CCDC171: variants seen among roughly 807,000 people sequenced by gnomAD.
CCDC171 encodes coiled-coil domain-containing protein 171.
A neutral mutation model predicts 168.2 loss-of-function variants in CCDC171; 177 were observed. The ratio of observed to expected loss-of-function variants is 1.05; its 90% CI spans 0.93 to 1.19. The LOEUF (loss-of-function observed/expected upper bound fraction) is 1.19, where lower values mean the gene tolerates loss of function less well. Among genes scored for constraint, CCDC171 ranks in the 50% most tolerant of loss-of-function variants. The pLI is 0.00. For synonymous variants in CCDC171, 687 were observed against 540.8 expected (o/e 1.27, Z -3.75); for missense variants, 1,991 against 1,539.0 (o/e 1.29, Z -4.91).
chr9:16,034,137 G>A (rs1420152359), intron 6 of CCDC171, among the ~76,000 whole-genome samples: 2 of 152,198 alleles, frequency 1.3e-5, no homozygotes, highest in African/African-American at 4.8e-5. Context: ...GAATTACCTG[G>A]GGGAAGGAAG....
chr9:15,840,038 A>G (rs2130596351), intron 21 of CCDC171, among the ~76,000 whole-genome samples: 2 of 152,272 alleles, frequency 1.3e-5, no homozygotes, highest in East Asian at 3.9e-4. Flanking sequence ...AAAAGTAGTT[A>G]ATATATAACA....
intron 18 of CCDC171, among the ~76,000 whole-genome samples, chr9:15,747,040 G>C (rs1000687070): frequency 6.6e-6 from 1 of 152,220 alleles, no homozygotes; most frequent in Non-Finnish European, 1.5e-5. Context: ...GCAGCAGTCT[G>C]AGAATGACCT....
chr9:15,625,809 T>G (rs1429384845), intron 7 of CCDC171, among the ~76,000 whole-genome samples: 1 of 152,232 alleles, frequency 6.6e-6, no homozygotes, highest in African/African-American at 2.4e-5. Context: ...GGCTCTTTTT[T>G]GGTTTCATAT....
chr9:15,644,322 A>C (rs1476490940), intron 7 of CCDC171, among the ~76,000 whole-genome samples: 2 of 152,208 alleles, frequency 1.3e-5, no homozygotes. Context: ...TGAGTGATGC[A>C]GAAGATGGGT....
downstream of CCDC171, among the ~76,000 whole-genome samples, chr9:16,064,975 C>T (rs1225899446): frequency 1.3e-5 from 2 of 152,170 alleles, no homozygotes; most frequent in African/African-American, 4.8e-5. Context: ...CACAAATCAT[C>T]CTGAGGCATC....
chr9:15,625,498 G>T (rs940055428), intron 7 of CCDC171, among the ~76,000 whole-genome samples: 1 of 152,132 alleles, frequency 6.6e-6, no homozygotes, highest in Admixed American at 6.6e-5. Flanking sequence ...TTTGTATAAG[G>T]TGTAAGGAAG....
chr9:15,971,609 A>G lies in CCDC171; in HGVS notation c.3754A>G (p.Ile1252Val). 6.2e-7 allele frequency: 1 copy of G among 1,609,242 alleles called. No homozygotes were observed. The highest frequency in any genetic ancestry group is 1.1e-5 in the South Asian group (1 of 91,006). Residue 1252 changes from isoleucine (I) to valine (V), a missense_variant and splice_region_variant, in exon 26 of 26, where the codon ATA becomes GTA. Coordinates refer to ENST00000380701, the MANE Select transcript of CCDC171 (RefSeq NM_173550.4). ...CLRENASLQS[I>V]GSRDHSNLSI... ...TATTTTTTTCTTTTGTATGTCACAG[A>G]TAGGATCACGAGACCATTCAAATCT...
Position 15,745,545 on chromosome 9 carries a change from A to C in CCDC171, c.2585A>C (p.Gln862Pro). The C allele has an allele frequency of 6.3e-7, 1 of 1,588,932 alleles. No individual in the cohort carries two copies. The highest frequency in any genetic ancestry group is 8.5e-7 in the Non-Finnish European group (1 of 1,170,510). ...KHQKEQLRCL[Q>P]ALSWLTSSDL... ...CAAAAGGAGCAGTTGCGTTGTTTACAAGCGCTCAGTTGGCTCACCAGTTCT... is the reference window on the plus strand; with the variant it reads ...CAAAAGGAGCAGTTGCGTTGTTTACCAGCGCTCAGTTGGCTCACCAGTTCT... Residue 862 changes from glutamine to proline, a missense_variant, in exon 18 of 26, where the codon CAA (glutamine) becomes CCA (proline). Gln to Pro is a moderately conservative substitution (Grantham distance 76). Transcript: ENST00000380701.
chr9:15,608,122 T>C (rs1215093681), intron 6 of CCDC171, among the ~76,000 whole-genome samples: 1 of 152,114 alleles, frequency 6.6e-6, no homozygotes, highest in African/African-American at 2.4e-5. Context: ...CCAGTTCTAC[T>C]GCCATGATAA....
intron 16 of CCDC171, among the ~76,000 whole-genome samples, chr9:15,736,642 G>A (rs2054512773): frequency 6.7e-6 from 1 of 148,704 alleles, no homozygotes; most frequent in African/African-American, 2.5e-5. Flanking sequence ...GTGAGCCACG[G>A]TGCCCGGCTC....
chr9:15,948,113 A>T (rs1449409433), intron 25 of CCDC171, among the ~76,000 whole-genome samples: 1 of 151,506 alleles, frequency 6.6e-6, no homozygotes, highest in East Asian at 2.0e-4. Flanking sequence ...ACTGAGAATG[A>T]TGATTTCTAA....
chr9:16,090,228 T>G, the CCDC171 span, among the ~76,000 whole-genome samples: 3 of 152,170 alleles, frequency 2.0e-5, no homozygotes, highest in African/African-American at 7.2e-5. Context: ...CACCATGGAA[T>G]ATGAAGCAGC....
intron 21 of CCDC171, among the ~76,000 whole-genome samples, chr9:15,833,192 A>G (rs1034782682): frequency 6.6e-6 from 1 of 151,992 alleles, no homozygotes; most frequent in Non-Finnish European, 1.5e-5. Context: ...GCGTTTTGCC[A>G]TGTTGGCCAG....
At chr9:15,788,033 C>T (rs1022916026) in intron 21 of CCDC171, among the ~76,000 whole-genome samples, 1 of 152,100 alleles carries the variant, frequency 6.6e-6, no homozygotes, top group African/African-American at 2.4e-5. Context: ...AAGAGCTGTT[C>T]ATGTTAATTT....
At chr9:16,010,792 A>T (rs1476581237) in intron 3 of CCDC171, among the ~76,000 whole-genome samples, 5 of 152,038 alleles carry the variant, frequency 3.3e-5, no homozygotes, top group Non-Finnish European at 7.4e-5. Flanking sequence ...ATGCTGAAAA[A>T]AGACCAGTTT....
chr9:15,801,312 T>C (rs2058810407), intron 21 of CCDC171, among the ~76,000 whole-genome samples: 1 of 152,092 alleles, frequency 6.6e-6, no homozygotes, highest in Non-Finnish European at 1.5e-5. Context: ...ATAGTTTTCA[T>C]TGTAGAGATC....
rs532929667 is a variant in CCDC171 at position 15,703,206 on chromosome 9, G to A, written c.1318+7869G>A. On this transcript the variant is annotated intron_variant, in intron 11 of 25. Coordinates refer to ENST00000380701, the MANE Select transcript of CCDC171 (RefSeq NM_173550.4). ...CAGGCCTGAGCCACCACGCCCGGCC[G>A]GGCCTTGTTTTTAATTAGGCTTTGG... is the stretch of plus-strand genomic sequence containing the variant. Among the ~76,000 whole-genome samples the A allele has an allele frequency of 7.2e-5, 11 of 152,140 alleles. No homozygotes were observed. In the South Asian group the frequency reaches 1.9e-3, roughly 26 times the overall value.
chr9:15,751,776 TTAAATG>T (rs1205237785), intron 18 of CCDC171, among the ~76,000 whole-genome samples: 1 of 152,134 alleles, frequency 6.6e-6, no homozygotes, highest in Non-Finnish European at 1.5e-5. Context: ...GACTAAAGAC[TTAAATG>T]TAAGACCTAA....
chr9:15,992,801 C>T (rs1360667455), intron 3 of CCDC171, among the ~76,000 whole-genome samples: 6 of 152,062 alleles, frequency 3.9e-5, no homozygotes, highest in South Asian at 2.1e-4. Flanking sequence ...ACACCAATAA[C>T]GGACAAACAG....
Sources: gnomAD v4.1 joint callset for allele counts (sites outside exome capture counted in the v4.1 genomes callset) on GRCh38, gnomAD v4.1.1 for gene constraint, MANE v1.5 for transcripts, NCBI Gene and HGNC (gene_info 2026-07-23, HGNC 2026-07-21) for gene names.